Variants in KCNJ15 observed in about 807,000 individuals in gnomAD.
The protein encoded by KCNJ15 is potassium inwardly rectifying channel subfamily J member 15.
KCNJ15 carries 14 observed loss-of-function variants against 23.0 expected under a neutral mutation model. That is an observed-to-expected ratio of 0.61 (90% CI 0.40 to 0.95). The LOEUF (loss-of-function observed/expected upper bound fraction) is 0.95, where lower values mean the gene tolerates loss of function less well. Ranked by LOEUF, KCNJ15 falls within the 40% of genes least tolerant of loss-of-function variation. The pLI is 0.00. For synonymous variants in KCNJ15, 185 were observed against 183.2 expected (o/e 1.01, Z -0.08); for missense variants, 388 against 461.8 (o/e 0.84, Z 1.46).
intron 1 of KCNJ15, among the ~76,000 whole-genome samples, chr21:38,286,718 TC>T (rs1027832299): frequency 3.3e-5 from 5 of 152,170 alleles, no homozygotes; most frequent in African/African-American, 1.2e-4. Context: ...TCATCCACAG[TC>T]AGATTTAATC....
Position 38,301,909 on chromosome 21 carries a change from A to T in KCNJ15, c.*1520A>T, listed in dbSNP as rs975013664. On this transcript the variant is annotated 3_prime_UTR_variant, in exon 3 of 3. Transcript: ENST00000398938. ...GTGGCCATGAATATTCAGCCCCTGC[A>T]TACATACAAAGATGTACGCATGATT... is the stretch of plus-strand genomic sequence containing the variant. 2 of 166,058 alleles carry T rather than the reference A, an allele frequency of 1.2e-5. No homozygotes were observed. Among genetic ancestry groups the T allele is most frequent in the Non-Finnish European group, 2.9e-5 (2 of 68,140 alleles). The allele number at this position is 166,058 out of a possible 1,614,324, so 10.3% of individuals were successfully genotyped here.
intron 1 of KCNJ15, among the ~76,000 whole-genome samples, chr21:38,238,965 T>A (rs955061753): frequency 1.3e-5 from 2 of 152,214 alleles, no homozygotes; most frequent in Non-Finnish European, 2.9e-5. Context: ...TGGGAAGATC[T>A]GCAAGTTAAA....
chr21:38,285,135 T>C (rs536312942), intron 1 of KCNJ15, among the ~76,000 whole-genome samples: 1 of 152,344 alleles, frequency 6.6e-6, no homozygotes, highest in East Asian at 1.9e-4. Context: ...ATTGCGTTTC[T>C]ACACACGTTG....
intron 1 of KCNJ15, among the ~76,000 whole-genome samples, chr21:38,278,114 C>A (rs1257803030): frequency 3.3e-5 from 5 of 151,550 alleles, no homozygotes; most frequent in African/African-American, 9.7e-5. Flanking sequence ...TCACCACAAC[C>A]AATGTGTAGG....
chr21:38,280,519 A>C (rs1003590524), intron 1 of KCNJ15, among the ~76,000 whole-genome samples: 6 of 152,166 alleles, frequency 3.9e-5, no homozygotes, highest in Admixed American at 3.9e-4. Context: ...ATTAGTGAGA[A>C]TATAAGCGAC....
intron 1 of KCNJ15, among the ~76,000 whole-genome samples, chr21:38,292,877 G>A (rs1455501885): frequency 2.6e-5 from 4 of 151,610 alleles, no homozygotes; most frequent in African/African-American, 9.7e-5. Flanking sequence ...GCTGAGGCAG[G>A]AGAGTCGCTT....
At chr21:38,259,215 G>C (rs775506480) in intron 1 of KCNJ15, among the ~76,000 whole-genome samples, 38 of 152,126 alleles carry the variant, frequency 2.5e-4, no homozygotes, top group Non-Finnish European at 5.0e-4. Flanking sequence ...ACTCAAAGCA[G>C]CCCACGAAGT....
chr21:38,278,025 C>T (rs1351377915), intron 1 of KCNJ15, among the ~76,000 whole-genome samples: 1 of 152,190 alleles, frequency 6.6e-6, no homozygotes, highest in Non-Finnish European at 1.5e-5. Flanking sequence ...GGCATGATTC[C>T]GTCTGCATCA....
chr21:38,251,838 G>A (rs1979861874), upstream of KCNJ15, among the ~76,000 whole-genome samples: 1 of 152,206 alleles, frequency 6.6e-6, no homozygotes, highest in African/African-American at 2.4e-5. Flanking sequence ...ACAAAGGAAT[G>A]ACTTGGAGGT....
rs1985780053 is a variant in KCNJ15, at chr21:38,301,552, C to T, written c.*1163C>T. 1 of 166,876 alleles carries T rather than the reference C, an allele frequency of 6.0e-6. No individual in the cohort carries two copies. Among genetic ancestry groups the T allele is most frequent in the South Asian group, 2.1e-4 (1 of 4,804 alleles). The allele number at this position is 166,876 out of a possible 1,614,324, so 10.3% of individuals were successfully genotyped here. Reference sequence around the variant, plus strand: ...ACAAAAGAAAAATTCAGCTGCCTGACAATACAGGAAATGTTCTCAGATGCT... The same window carrying T: ...ACAAAAGAAAAATTCAGCTGCCTGATAATACAGGAAATGTTCTCAGATGCT... On this transcript the variant is annotated 3_prime_UTR_variant, in exon 3 of 3. Coordinates refer to ENST00000398938, the MANE Select transcript of KCNJ15 (RefSeq NM_170736.3).
chr21:38,248,889 C>T (rs995577359), intron 1 of KCNJ15, among the ~76,000 whole-genome samples: 2 of 152,040 alleles, frequency 1.3e-5, no homozygotes, highest in African/African-American at 4.8e-5. Flanking sequence ...AGGACAATTC[C>T]CATGCCTTCC....
chr21:38,278,948 G>A (rs1314388584), intron 1 of KCNJ15, among the ~76,000 whole-genome samples: 1 of 152,194 alleles, frequency 6.6e-6, no homozygotes, highest in Non-Finnish European at 1.5e-5. Context: ...GACTATGAAG[G>A]ATGCTATAGA....
Position 38,306,064 on chromosome 21 carries a change from C to T in KCNJ15, c.*5675C>T, listed in dbSNP as rs930762304. ...AGGATGGGCTCAAAGTCGCCCTCCA[C>T]GTGGGTGCACAGGAGCCCAGATTCT... On this transcript the variant is annotated 3_prime_UTR_variant, in exon 3 of 3. Coordinates refer to ENST00000398938, the MANE Select transcript of KCNJ15 (RefSeq NM_170736.3). 1.3e-5 allele frequency: 2 copies of T among 152,194 alleles called. No homozygotes were observed. The highest frequency in any genetic ancestry group is 1.3e-4 in the Admixed American group (2 of 15,278). 9.4% of individuals were successfully genotyped at this position (152,194 alleles called of 1,614,324 possible). A position where few individuals can be genotyped will look rare whatever the true frequency, so the allele number is the denominator to read the frequency against.
At chr21:38,280,760 T>C (rs1262077586) in intron 1 of KCNJ15, among the ~76,000 whole-genome samples, 1 of 152,152 alleles carries the variant, frequency 6.6e-6, no homozygotes, top group Non-Finnish European at 1.5e-5. Context: ...TTTCTCCCCA[T>C]AGGTGAAGTT....
chr21:38,281,575 A>G (rs1369809869), intron 1 of KCNJ15, among the ~76,000 whole-genome samples: 3 of 152,184 alleles, frequency 2.0e-5, no homozygotes, highest in Admixed American at 2.0e-4. Flanking sequence ...CTCCAGCTCC[A>G]TCCATGTTGC....
intron 1 of KCNJ15, among the ~76,000 whole-genome samples, chr21:38,280,097 G>T (rs1983158148): frequency 6.6e-6 from 1 of 152,126 alleles, no homozygotes; most frequent in South Asian, 2.1e-4. Context: ...TGTCAAAGTG[G>T]TTGGAAGACT....
chr21:38,240,226 CA>C, intron 1 of KCNJ15, among the ~76,000 whole-genome samples: 1 of 152,266 alleles, frequency 6.6e-6, no homozygotes, highest in South Asian at 2.1e-4. Context: ...TGGCTAACCC[CA>C]TCTTGACCTC....
chr21:38,279,683 G>A (rs191509652), intron 1 of KCNJ15, among the ~76,000 whole-genome samples: 12 of 152,224 alleles, frequency 7.9e-5, no homozygotes, highest in Admixed American at 2.0e-4. Context: ...GCAAAGTATC[G>A]CTTCTGTCCT....
At chr21:38,283,475 T>G (rs1454948631) in intron 1 of KCNJ15, among the ~76,000 whole-genome samples, 5 of 152,234 alleles carry the variant, frequency 3.3e-5, no homozygotes, top group Non-Finnish European at 5.9e-5. Flanking sequence ...TATTTAGCAT[T>G]TTTTCATGAT....
Sources: gnomAD v4.1 joint callset for allele counts (sites outside exome capture counted in the v4.1 genomes callset) on GRCh38, gnomAD v4.1.1 for gene constraint, MANE v1.5 for transcripts, NCBI Gene and HGNC (gene_info 2026-07-23, HGNC 2026-07-21) for gene names.